Variants in XRCC4 observed in about 807,000 individuals in gnomAD.
XRCC4 encodes DNA repair protein XRCC4.
Under a neutral mutation model 39.1 loss-of-function variants are expected in XRCC4, and 28 were observed. That is an observed-to-expected ratio of 0.72 (90% CI 0.53 to 0.98). The LOEUF is 0.98. Among genes scored for constraint, XRCC4 ranks in the 50% least tolerant of loss-of-function variants. The pLI, the probability that XRCC4 is intolerant of heterozygous loss-of-function variation, is 0.00. For missense variants in XRCC4, 350 were observed against 376.4 expected (o/e 0.93, Z 0.58); for synonymous variants, 123 against 126.4 (o/e 0.97, Z 0.18).
At chr5:83,081,825 T>C (rs965453809) in intron 1 of XRCC4, among the ~76,000 whole-genome samples, 3 of 152,206 alleles carry the variant, frequency 2.0e-5, no homozygotes, top group Non-Finnish European at 4.4e-5. Context: ...CATGTTCCAA[T>C]TCCTCTTTTT....
At chr5:83,267,248 A>T (rs1753987653) in intron 7 of XRCC4, among the ~76,000 whole-genome samples, 1 of 152,104 alleles carries the variant, frequency 6.6e-6, no homozygotes, top group South Asian at 2.1e-4. Context: ...GTGTAACTGG[A>T]GTTTGGCTTT....
chr5:83,326,026 G>A (rs534559461), intron 7 of XRCC4, among the ~76,000 whole-genome samples: 3 of 151,576 alleles, frequency 2.0e-5, no homozygotes, highest in Non-Finnish European at 4.4e-5. Context: ...TATCTCATAT[G>A]TTAGTTGGCT....
chr5:83,285,705 G>A (rs1254880152), intron 7 of XRCC4, among the ~76,000 whole-genome samples: 1 of 152,112 alleles, frequency 6.6e-6, no homozygotes, highest in Non-Finnish European at 1.5e-5. Context: ...CGGTCAAGGG[G>A]GGGTTGTTTG....
At chr5:83,093,537 C>T (rs1745529539) in intron 1 of XRCC4, among the ~76,000 whole-genome samples, 1 of 152,192 alleles carries the variant, frequency 6.6e-6, no homozygotes, top group Non-Finnish European at 1.5e-5. Context: ...CAGATCATTT[C>T]TGGGATAGAT....
chr5:83,311,600 T>C (rs1270579717), intron 7 of XRCC4, among the ~76,000 whole-genome samples: 2 of 152,048 alleles, frequency 1.3e-5, no homozygotes, highest in African/African-American at 2.4e-5. Flanking sequence ...AGTATAATAA[T>C]GTCAGCAATA....
intron 3 of XRCC4, among the ~76,000 whole-genome samples, chr5:83,121,780 G>C (rs1747022693): frequency 1.3e-5 from 2 of 151,930 alleles, no homozygotes; most frequent in African/African-American, 2.4e-5. Flanking sequence ...TGCCTAACTT[G>C]TTGCAGACTT....
At chr5:83,166,260 G>A (rs1160377859) in intron 3 of XRCC4, among the ~76,000 whole-genome samples, 2 of 152,020 alleles carry the variant, frequency 1.3e-5, no homozygotes, top group South Asian at 2.1e-4. Context: ...TTTCAGTTGT[G>A]AATAGTGCTG....
chr5:83,215,563 T>A (rs1434186913), intron 6 of XRCC4, among the ~76,000 whole-genome samples: 1 of 152,130 alleles, frequency 6.6e-6, no homozygotes, highest in Admixed American at 6.5e-5. Context: ...TACAAAGATA[T>A]AATAACCAAG....
At chr5:83,107,455 G>A (rs1221824656) in intron 2 of XRCC4, among the ~76,000 whole-genome samples, 3 of 151,442 alleles carry the variant, frequency 2.0e-5, no homozygotes, top group Admixed American at 1.3e-4. Flanking sequence ...TTATTTGAGT[G>A]AAATTAAAAG....
At chr5:83,221,255 TA>T (rs1336460098) in intron 6 of XRCC4, among the ~76,000 whole-genome samples, 2 of 152,164 alleles carry the variant, frequency 1.3e-5, no homozygotes, top group Non-Finnish European at 1.5e-5. Context: ...TTTAGACACC[TA>T]AATTATTTAA....
chr5:83,330,233 A>G (rs1756395388), intron 7 of XRCC4, among the ~76,000 whole-genome samples: 1 of 152,082 alleles, frequency 6.6e-6, no homozygotes, highest in African/African-American at 2.4e-5. Flanking sequence ...AAGGAAGTGG[A>G]AAACAGTATG....
intron 2 of XRCC4, among the ~76,000 whole-genome samples, chr5:83,110,455 A>G (rs1746388387): frequency 6.6e-6 from 1 of 152,020 alleles, no homozygotes; most frequent in African/African-American, 2.4e-5. Context: ...GAGAATTGGA[A>G]GCGGTCTCTA....
Position 83,117,631 on chromosome 5 carries a change from A to ATG in XRCC4, c.315+6470_315+6471dup, listed in dbSNP as rs70973379. Among the ~76,000 whole-genome samples, 752 of 145,976 alleles carry ATG rather than the reference A, an allele frequency of 5.2e-3. 4 individuals carry two copies. Among genetic ancestry groups the ATG allele is most frequent in the Non-Finnish European group, 6.1e-3 (409 of 66,664 alleles). Reference sequence around the variant, plus strand: ...TAACATATTGTAGAGCTACATATATATGTGTGTGTGTGTGTGTGTGTGTGT... The same window carrying ATG: ...TAACATATTGTAGAGCTACATATATATGTGTGTGTGTGTGTGTGTGTGTGTGT... On this transcript the variant is annotated intron_variant, in intron 3 of 7. Coordinates refer to ENST00000396027, the MANE Select transcript of XRCC4 (RefSeq NM_003401.5).
At position 83,310,450 on chromosome 5, in the gene XRCC4, A is replaced by G. The variant is rs28360292; in HGVS notation, c.894-42681A>G. On this transcript the variant is annotated intron_variant, in intron 7 of 7. Transcript: ENST00000396027. ...TGATCAAGAAAAAGAGCCTCCTGGC[A>G]GTACTATAAGTTTCATTATTATTAT... Among the ~76,000 whole-genome samples the G allele has an allele frequency of 1.1e-3, 160 of 152,324 alleles. 1 individual carries two copies. The highest frequency in any genetic ancestry group is 3.7e-3 in the African/African-American group (154 of 41,582).
At chr5:83,266,250 A>C (rs1359541217) in intron 7 of XRCC4, among the ~76,000 whole-genome samples, 1 of 150,902 alleles carries the variant, frequency 6.6e-6, no homozygotes, top group East Asian at 1.9e-4. Context: ...GGAGGTATAT[A>C]TTTTTTGGTA....
At position 83,117,596 on chromosome 5, in the gene XRCC4, C is replaced by T. The variant is rs796755836; in HGVS notation, c.315+6393C>T. On this transcript the variant is annotated intron_variant, in intron 3 of 7. Transcript: ENST00000396027. ...TTTTAAGTGATTTCTTAGATTAATTCCAGCTTAGCTAACATATTGTAGAGC... is the reference window on the plus strand; with the variant it reads ...TTTTAAGTGATTTCTTAGATTAATTTCAGCTTAGCTAACATATTGTAGAGC... Among the ~76,000 whole-genome samples the T allele has an allele frequency of 2.7e-5, 4 of 150,432 alleles. No homozygotes were observed. The South Asian group carries it at 8.4e-4, about 32-fold the overall frequency.
At chr5:83,196,654 A>ATG (rs886489872) in intron 4 of XRCC4, among the ~76,000 whole-genome samples, 2 of 151,700 alleles carry the variant, frequency 1.3e-5, no homozygotes, top group African/African-American at 4.8e-5. Context: ...TAATATATAT[A>ATG]TGTGTGTGTG....
At chr5:83,184,917 T>C (rs1422598184) in intron 3 of XRCC4, among the ~76,000 whole-genome samples, 1 of 152,128 alleles carries the variant, frequency 6.6e-6, no homozygotes, top group Non-Finnish European at 1.5e-5. Flanking sequence ...CAGTCATCTT[T>C]AGATATTGTT....
chr5:83,374,403 G>A, the XRCC4 span, among the ~76,000 whole-genome samples: 2,672 of 152,230 alleles, frequency 0.018, 76 homozygotes, highest in African/African-American at 0.062. Flanking sequence ...TTTGCCTTCT[G>A]CCATGATTGT....
Sources: gnomAD v4.1 joint callset for allele counts (sites outside exome capture counted in the v4.1 genomes callset) on GRCh38, gnomAD v4.1.1 for gene constraint, MANE v1.5 for transcripts, NCBI Gene and HGNC (gene_info 2026-07-23, HGNC 2026-07-21) for gene names.